Variants in ASTN2 observed in about 807,000 individuals in gnomAD.
The protein encoded by ASTN2 is astrotactin-2.
A neutral mutation model predicts 139.8 loss-of-function variants in ASTN2; 54 were observed. The observed-to-expected ratio is 0.39, with a 90% CI of 0.31 to 0.48. The LOEUF (loss-of-function observed/expected upper bound fraction) is 0.48. ASTN2 is among the 20% of genes least tolerant of loss of function. ASTN2 has a pLI of 0.95. For missense variants in ASTN2, 1,565 were observed against 1,725.1 expected, an observed-to-expected ratio of 0.91 and a Z score of 1.64; for synonymous variants, 756 against 719.5, an observed-to-expected ratio of 1.05 and a Z score of -0.81.
chr9:116,793,838 T>C (rs912836059), intron 13 of ASTN2, among the ~76,000 whole-genome samples: 4 of 152,158 alleles, frequency 2.6e-5, no homozygotes, highest in Admixed American at 2.6e-4. Flanking sequence ...ATAATTCATG[T>C]GTATTGAGTT....
chr9:116,936,203 T>TCAG (rs1835074975), intron 10 of ASTN2, among the ~76,000 whole-genome samples: 1 of 53,104 alleles, frequency 1.9e-5, no homozygotes, highest in Non-Finnish European at 4.0e-5. Context: ...ACCACAACCA[T>TCAG]CACCATCACC....
intron 7 of ASTN2, among the ~76,000 whole-genome samples, chr9:116,991,528 T>C (rs997383281): frequency 2.0e-5 from 3 of 151,936 alleles, no homozygotes; most frequent in African/African-American, 7.3e-5. Context: ...AGCAGATACT[T>C]CGTACCGATA....
chr9:116,552,511 C>A (rs1456108992), intron 19 of ASTN2, among the ~76,000 whole-genome samples: 2 of 152,128 alleles, frequency 1.3e-5, no homozygotes, highest in Non-Finnish European at 2.9e-5. Context: ...TCCTGGGGTG[C>A]CTCAAAGTAT....
chr9:117,065,922 C>A (rs1333613182), intron 5 of ASTN2, among the ~76,000 whole-genome samples: 2 of 152,038 alleles, frequency 1.3e-5, no homozygotes, highest in South Asian at 2.1e-4. Flanking sequence ...TGTCTTTGAA[C>A]CTCATCTTTA....
chr9:116,547,460 G>C (rs982566379), intron 19 of ASTN2: 1 of 152,194 alleles, frequency 6.6e-6, no homozygotes, highest in African/African-American at 2.4e-5. Context: ...CAAAAACAGT[G>C]TTGTGTAATG....
intron 19 of ASTN2, among the ~76,000 whole-genome samples, chr9:116,609,391 A>G (rs1276484400): frequency 7.0e-6 from 1 of 143,614 alleles, no homozygotes; most frequent in Non-Finnish European, 1.5e-5. Flanking sequence ...ATATATATAT[A>G]TATATATATA....
intron 10 of ASTN2, among the ~76,000 whole-genome samples, chr9:116,971,128 G>T (rs775330901): frequency 3.9e-4 from 60 of 152,238 alleles, no homozygotes; most frequent in African/African-American, 1.3e-3. Context: ...ACACAGGAGG[G>T]ATCCAGCTAA....
Position 116,985,521 on chromosome 9 carries a change from C to A in ASTN2, c.1592-8736G>T, listed in dbSNP as rs573811096. On this transcript the variant is annotated intron_variant, in intron 7 of 22. Coordinates refer to ENST00000313400, the MANE Select transcript of ASTN2 (RefSeq NM_001365068.1). ...TGCTCCAGGTTCTCAGCCAGGGTAA[C>A]CCTTTCCACTGGCCCTATTCCCTTT... 3.0e-4 allele frequency among the ~76,000 whole-genome samples: 46 copies of A among 152,324 alleles called. No homozygotes were observed. The South Asian group carries it at 8.9e-3, about 29-fold the overall frequency.
intron 10 of ASTN2, among the ~76,000 whole-genome samples, chr9:116,929,055 C>A (rs905434640): frequency 2.0e-5 from 3 of 152,158 alleles, no homozygotes; most frequent in African/African-American, 7.2e-5. Context: ...TGGGATCCAG[C>A]ATATTATCCC....
At chr9:117,108,165 C>A (rs377217883) in intron 4 of ASTN2, among the ~76,000 whole-genome samples, 19 of 152,072 alleles carry the variant, frequency 1.2e-4, no homozygotes, top group African/African-American at 4.6e-4. Context: ...AGAAAGATTG[C>A]ACAGCCAGTA....
intron 4 of ASTN2, among the ~76,000 whole-genome samples, chr9:117,106,381 G>C (rs1175190081): frequency 6.6e-6 from 1 of 151,864 alleles, no homozygotes; most frequent in Non-Finnish European, 1.5e-5. Context: ...ATTTTTAATA[G>C]AGACGGGATT....
chr9:116,760,544 T>C (rs1829648149), intron 13 of ASTN2, among the ~76,000 whole-genome samples: 1 of 152,190 alleles, frequency 6.6e-6, no homozygotes, highest in African/African-American at 2.4e-5. Flanking sequence ...TTGGGAACAA[T>C]GGGAGGATTC....
chr9:117,333,403 TATG>T (rs1828779260), intron 1 of ASTN2, among the ~76,000 whole-genome samples: 1 of 152,144 alleles, frequency 6.6e-6, no homozygotes, highest in Non-Finnish European at 1.5e-5. Flanking sequence ...ACATCTCTAA[TATG>T]AGGAAACCAC....
chr9:117,030,029 C>T (rs141268916), intron 6 of ASTN2, among the ~76,000 whole-genome samples: 9 of 147,744 alleles, frequency 6.1e-5, no homozygotes, highest in South Asian at 4.3e-4. Flanking sequence ...TTAAAAAAAA[C>T]GCTGAAGTTT....
intron 10 of ASTN2, among the ~76,000 whole-genome samples, chr9:116,954,177 T>C (rs888479796): frequency 2.0e-5 from 3 of 152,212 alleles, no homozygotes; most frequent in Admixed American, 2.0e-4. Context: ...TCATTATCCC[T>C]ATTATATATA....
At chr9:117,141,518 C>T in intron 3 of ASTN2, 40 bp from the exon 4 acceptor site, 3 of 1,349,112 alleles carry the variant, frequency 2.2e-6, no homozygotes, top group Non-Finnish European at 3.0e-6. Flanking sequence ...GGCTTGAGCC[C>T]ACCCTCAGCA....
At chr9:117,278,250 C>T (rs1477214412) in intron 2 of ASTN2, among the ~76,000 whole-genome samples, 1 of 152,198 alleles carries the variant, frequency 6.6e-6, no homozygotes, top group East Asian at 1.9e-4. Context: ...GCCAAATGAA[C>T]ATTAATTGCA....
rs1184258904 is a variant in ASTN2 at position 116,723,060 on chromosome 9, G to C, written c.2806+2711C>G. Among the ~76,000 whole-genome samples, 3 of 152,036 alleles carry C rather than the reference G, an allele frequency of 2.0e-5. No homozygotes were observed. The East Asian group carries it at 5.8e-4, about 29-fold the overall frequency. Reference sequence around the variant, plus strand: ...GGCGCCTGTAGTCCCAGCTACTCCGGGGACTGAGGCAGGAGAATGGCGTGA... The same window carrying C: ...GGCGCCTGTAGTCCCAGCTACTCCGCGGACTGAGGCAGGAGAATGGCGTGA... On this transcript the variant is annotated intron_variant, in intron 16 of 22. Transcript: ENST00000313400.
chr9:116,710,877 T>C (rs1348463093), intron 16 of ASTN2, among the ~76,000 whole-genome samples: 2 of 152,074 alleles, frequency 1.3e-5, no homozygotes, highest in African/African-American at 2.4e-5. Flanking sequence ...TCTAAATCTC[T>C]CAGACCCCAA....
Sources: allele counts gnomAD v4.1 joint callset (sites outside exome capture counted in the v4.1 genomes callset), GRCh38; gene constraint gnomAD v4.1.1; transcripts MANE v1.5; gene names NCBI Gene and HGNC (gene_info 2026-07-23, HGNC 2026-07-21).